NR3C1: variants seen among roughly 807,000 people sequenced by gnomAD.
NR3C1 encodes the protein glucocorticoid receptor.
A neutral mutation model predicts 74.0 loss-of-function variants in NR3C1; 14 were observed. The ratio of observed to expected loss-of-function variants is 0.19; its 90% CI spans 0.12 to 0.30. The LOEUF (loss-of-function observed/expected upper bound fraction) is 0.30, where lower values mean the gene tolerates loss of function less well. Among genes scored for constraint, NR3C1 ranks in the 10% least tolerant of loss-of-function variants. The probability of loss-of-function intolerance (pLI) is 1.00; values close to 1 mark genes in which losing one functional copy is unlikely to be tolerated. For synonymous variants in NR3C1, 308 were observed against 332.5 expected, an observed-to-expected ratio of 0.93 and a Z score of 0.80; for missense variants, 695 against 909.8, an observed-to-expected ratio of 0.76 and a Z score of 3.04.
At chr5:143,381,199 GATAAA>G (rs1464765606) in intron 2 of NR3C1, among the ~76,000 whole-genome samples, 3 of 151,840 alleles carry the variant, frequency 2.0e-5, no homozygotes, top group African/African-American at 7.3e-5. Context: ...AATAGCTACA[GATAAA>G]ATAAAACACC....
At chr5:143,309,686 A>C (rs1375887892) in intron 4 of NR3C1, among the ~76,000 whole-genome samples, 1 of 152,304 alleles carries the variant, frequency 6.6e-6, no homozygotes, top group Non-Finnish European at 1.5e-5. Context: ...CAGATCTCCA[A>C]GTAAAAGGTA....
intron 2 of NR3C1, among the ~76,000 whole-genome samples, chr5:143,336,574 C>T (rs1487557337): frequency 6.6e-6 from 1 of 152,156 alleles, no homozygotes; most frequent in Non-Finnish European, 1.5e-5. Context: ...GGTTCAAAGT[C>T]TGTTTAAGAA....
intron 2 of NR3C1, among the ~76,000 whole-genome samples, chr5:143,391,125 A>C (rs752747884): frequency 2.6e-5 from 4 of 152,186 alleles, no homozygotes; most frequent in Admixed American, 6.5e-5. Context: ...AATTTCACAT[A>C]ATGTTCTGAT....
chr5:143,341,788 T>C (rs61752280), intron 2 of NR3C1, among the ~76,000 whole-genome samples: 79 of 152,354 alleles, frequency 5.2e-4, no homozygotes, highest in African/African-American at 1.8e-3. Flanking sequence ...TGTGGTCAAA[T>C]ATAAAATTAT....
chr5:143,300,387 G>A lies in NR3C1; in HGVS notation c.1747+98C>T, dbSNP rs1021500387. 1 of 1,452,516 alleles carries A rather than the reference G, an allele frequency of 6.9e-7. No individual in the cohort carries two copies. Among genetic ancestry groups the A allele is most frequent in the Non-Finnish European group, 9.6e-7 (1 of 1,038,656 alleles). 90.0% of individuals were successfully genotyped at this position (1,452,516 alleles called of 1,614,324 possible). On this transcript the variant is annotated intron_variant, in intron 5 of 8. Transcript: ENST00000394464. This position sits in a 1 kb window ranked among gnomAD's most constrained non-coding sequence, Gnocchi z 5.2. ...TAGTCCCCAGAACTAAGAGAAACAA[G>A]ATAAGCCATGGGCTCACGATGATAT...
intron 2 of NR3C1, among the ~76,000 whole-genome samples, chr5:143,374,382 A>G (rs527462511): frequency 6.6e-6 from 1 of 152,042 alleles, no homozygotes; most frequent in East Asian, 1.9e-4. Flanking sequence ...TCCCAGCTAC[A>G]TGGGAGGCTG....
upstream of NR3C1, among the ~76,000 whole-genome samples, chr5:143,405,915 G>A (rs1841082910): frequency 2.0e-5 from 3 of 152,056 alleles, no homozygotes; most frequent in South Asian, 6.2e-4. Flanking sequence ...TGAGCCTCAA[G>A]CACTAGAATG....
rs200172704 is a variant in NR3C1, at chr5:143,314,421, CTT to C, written c.1185-255_1185-254del. On this transcript the variant is annotated intron_variant, in intron 2 of 8. Transcript: ENST00000394464. ...GTGTGGTTCTGGTTCACTTCTTCTT[CTT>C]TTTTTTTTTTTTTTTAGATGCTTAG... 1.4e-3 allele frequency among the ~76,000 whole-genome samples: 167 copies of C among 118,736 alleles called. 3 individuals are homozygous for C. In the East Asian group the frequency reaches 0.026, roughly 19 times the overall value. The allele number at this position is 118,736 out of a possible 152,430, so 77.9% of individuals were successfully genotyped here. A position where few individuals can be genotyped will look rare whatever the true frequency, so the allele number is the denominator to read the frequency against.
At chr5:143,351,832 T>C (rs1458467339) in intron 2 of NR3C1, among the ~76,000 whole-genome samples, 1 of 152,204 alleles carries the variant, frequency 6.6e-6, no homozygotes, top group East Asian at 1.9e-4. Context: ...TGGTAGTTTT[T>C]ACATACTTCA....
intron 2 of NR3C1, among the ~76,000 whole-genome samples, chr5:143,356,846 A>G (rs1831240322): frequency 6.6e-6 from 1 of 152,218 alleles, no homozygotes. Flanking sequence ...GAAAGAATAT[A>G]CACACAGAAT....
intron 2 of NR3C1, among the ~76,000 whole-genome samples, chr5:143,359,645 G>A (rs976368513): frequency 4.6e-5 from 7 of 152,086 alleles, no homozygotes; most frequent in Admixed American, 2.0e-4. Context: ...AGCTGGATGC[G>A]GTGGCTCACA....
At chr5:143,282,918 TGTAGGCACAA>T (rs1377306056) in intron 7 of NR3C1, among the ~76,000 whole-genome samples, 193 bp from the exon 8 acceptor site, 1 of 144,314 alleles carries the variant, frequency 6.9e-6, no homozygotes. Context: ...TAGCTAGGAC[TGTAGGCACAA>T]GCCACCATGT....
chr5:143,400,158 G>A lies in NR3C1; in HGVS notation c.682C>T (p.Leu228=), dbSNP rs779092847. 3 of 1,614,160 alleles carry A rather than the reference G, an allele frequency of 1.9e-6. No homozygotes were observed. Among genetic ancestry groups the A allele is most frequent in the Non-Finnish European group, 2.5e-6 (3 of 1,180,020 alleles). ...AGGAATGAATCGTCTTCTCCCGCCA[G>A]AGGAGAAAGCAAACAGTTTTCATCT... is the stretch of plus-strand genomic sequence containing the variant. ...LIDENCLLSP[L]AGEDDSFLLE... Residue 228 remains leucine, a synonymous_variant, in exon 2 of 9, where the codon CTG becomes TTG. Coordinates refer to ENST00000394464, the MANE Select transcript of NR3C1 (RefSeq NM_000176.3).
rs541005619 is a variant in NR3C1, at chr5:143,279,174, A to T, written c.*2715T>A. Reference sequence around the variant, plus strand: ...CATATAGCACTTAAATCCACAATTAAACATAATTAAGATGACTTTCTTTTC... The same window carrying T: ...CATATAGCACTTAAATCCACAATTATACATAATTAAGATGACTTTCTTTTC... On this transcript the variant is annotated 3_prime_UTR_variant, in exon 9 of 9. Transcript: ENST00000394464. The T allele has an allele frequency of 2.8e-5, 18 of 631,628 alleles. No individual in the cohort carries two copies. In the South Asian group the frequency reaches 4.1e-4, roughly 14 times the overall value. The allele number at this position is 631,628 out of a possible 1,614,324, so 39.1% of individuals were successfully genotyped here. A position where few individuals can be genotyped will look rare whatever the true frequency, so the allele number is the denominator to read the frequency against.
chr5:143,423,041 T>G (rs897953753), intron 1 of NR3C1, among the ~76,000 whole-genome samples: 2 of 152,204 alleles, frequency 1.3e-5, no homozygotes, highest in Non-Finnish European at 2.9e-5. Context: ...GATTTGATTT[T>G]TGTATATGGC....
intron 1 of NR3C1, among the ~76,000 whole-genome samples, chr5:143,413,465 A>G (rs908660946): frequency 6.6e-6 from 1 of 152,136 alleles, no homozygotes; most frequent in Non-Finnish European, 1.5e-5. Context: ...GTCCAGGGGA[A>G]GTTTAATTTC....
rs1812956184 is a variant in NR3C1 at position 143,280,699 on chromosome 5, A to T, written c.*1190T>A. On this transcript the variant is annotated 3_prime_UTR_variant, in exon 9 of 9. Transcript: ENST00000394464. ...GAGCTTTCCTGTACCATCAGGAAAG[A>T]TTAACCAATTGGTGACAGATGGGAA... The T allele has an allele frequency of 6.6e-6, 1 of 152,580 alleles. No individual in the cohort carries two copies. The allele number at this position is 152,580 out of a possible 1,614,324, so 9.5% of individuals were successfully genotyped here.
chr5:143,410,300 A>G (rs532778083), intron 1 of NR3C1, among the ~76,000 whole-genome samples: 2 of 152,192 alleles, frequency 1.3e-5, no homozygotes, highest in South Asian at 2.1e-4. Flanking sequence ...TTTGGTTCTT[A>G]TATCTTCTTA....
chr5:143,333,163 T>C, intron 2 of NR3C1: 2 of 1,581,264 alleles, frequency 1.3e-6, no homozygotes, highest in South Asian at 2.2e-5. Context: ...AAAAATAGAG[T>C]GGGCTTCCTC....
Sources: allele counts gnomAD v4.1 joint callset (sites outside exome capture counted in the v4.1 genomes callset), GRCh38; gene constraint gnomAD v4.1.1; non-coding constraint Gnocchi (gnomAD v3.1); transcripts MANE v1.5; gene names NCBI Gene and HGNC (gene_info 2026-07-23, HGNC 2026-07-21).